Variants in CDK14 observed in about 807,000 individuals in gnomAD.
The protein encoded by CDK14 is cyclin dependent kinase 14.
A neutral mutation model predicts 60.7 loss-of-function variants in CDK14; 34 were observed. That is an observed-to-expected ratio of 0.56 (90% CI 0.43 to 0.75). The LOEUF is 0.75. CDK14 is among the 30% of genes least tolerant of loss of function. The pLI is 0.00. For missense variants in CDK14, 482 were observed against 564.1 expected (o/e 0.85, Z 1.47); for synonymous variants, 197 against 203.7 (o/e 0.97, Z 0.28).
At chr7:90,847,643 A>G (rs1790510675) in intron 5 of CDK14, among the ~76,000 whole-genome samples, 1 of 152,132 alleles carries the variant, frequency 6.6e-6, no homozygotes, top group Non-Finnish European at 1.5e-5. Flanking sequence ...GTAGTTAGAG[A>G]ACTATATTTT....
intron 13 of CDK14, among the ~76,000 whole-genome samples, chr7:91,116,530 T>C (rs1468666878): frequency 1.3e-5 from 2 of 152,190 alleles, no homozygotes; most frequent in East Asian, 3.8e-4. Flanking sequence ...GTTCTGTATA[T>C]CATCCTAGAA....
chr7:91,176,266 G>A lies in CDK14; in HGVS notation c.*29-30899G>A, dbSNP rs557193051. Among the ~76,000 whole-genome samples, 285 of 152,280 alleles carry A rather than the reference G, an allele frequency of 1.9e-3. 1 individual carries two copies. Among genetic ancestry groups the A allele is most frequent in the African/African-American group, 6.0e-3 (248 of 41,548 alleles). On this transcript the variant is annotated intron_variant, in intron 14 of 14. Coordinates refer to ENST00000380050, the MANE Select transcript of CDK14 (RefSeq NM_001287135.2). Reference sequence around the variant, plus strand: ...AAGATGTTCTTTGAACGCAACGAGAGCAAAGACACAACATACCAGAATCTC... The same window carrying A: ...AAGATGTTCTTTGAACGCAACGAGAACAAAGACACAACATACCAGAATCTC...
intron 5 of CDK14, among the ~76,000 whole-genome samples, chr7:90,833,174 A>G (rs1789970380): frequency 6.6e-6 from 1 of 152,224 alleles, no homozygotes; most frequent in South Asian, 2.1e-4. Flanking sequence ...TGTTCTATAA[A>G]GATGGGGATG....
intron 10 of CDK14, among the ~76,000 whole-genome samples, chr7:91,004,203 A>C (rs1795917906): frequency 6.6e-6 from 1 of 152,190 alleles, no homozygotes; most frequent in South Asian, 2.1e-4. Flanking sequence ...CCAGTAGAAA[A>C]CTGCGATGAA....
At chr7:90,625,587 A>G (rs1799860630) in intron 2 of CDK14, among the ~76,000 whole-genome samples, 1 of 152,190 alleles carries the variant, frequency 6.6e-6, no homozygotes, top group African/African-American at 2.4e-5. Flanking sequence ...ATATTTTTGC[A>G]CTATTAATCA....
intron 4 of CDK14, among the ~76,000 whole-genome samples, chr7:90,749,214 C>A (rs6962903): frequency 0.91 from 138,896 of 151,982 alleles, 63,570 homozygotes; most frequent in East Asian, 1. Context: ...ATCTCCAGGC[C>A]TTTGGAGCAC....
intron 2 of CDK14, chr7:90,710,581 G>T: frequency 1.0e-5 from 10 of 979,196 alleles, no homozygotes; most frequent in Non-Finnish European, 1.1e-5. Flanking sequence ...CTGGTATTTT[G>T]CATCATTACA....
chr7:90,938,684 C>T (rs900240434), intron 8 of CDK14, among the ~76,000 whole-genome samples: 4 of 152,016 alleles, frequency 2.6e-5, no homozygotes, highest in Non-Finnish European at 4.4e-5. Flanking sequence ...AATGGCTTAC[C>T]TTTTGACTTA....
intron 9 of CDK14, among the ~76,000 whole-genome samples, chr7:90,969,144 G>A (rs767349509): frequency 1.1e-4 from 17 of 152,122 alleles, no homozygotes; most frequent in East Asian, 1.9e-4. Context: ...AATCTGTACC[G>A]GAAAGGTTTT....
rs1802650624 is a variant in CDK14 at position 90,726,803 on chromosome 7, C to T, written c.360C>T (p.Ser120=). The change falls in exon 3 of 15, where the codon AGC becomes AGT. Residue 120 remains serine, a synonymous_variant. Coordinates refer to ENST00000380050, the MANE Select transcript of CDK14 (RefSeq NM_001287135.2). ...KESPKVRRHS[S]PSSPTSPKFG... ...CACCTAAAGTTAGGCGGCACTCCAG[C>T]CCCAGCTCGGTAAGTGCAGTCTTTT... 1.9e-6 allele frequency: 3 copies of T among 1,613,344 alleles called. No homozygotes were observed. The highest frequency in any genetic ancestry group is 3.3e-5 in the Admixed American group (2 of 59,942).
At chr7:90,770,083 G>T (rs1403223679) in intron 4 of CDK14, among the ~76,000 whole-genome samples, 6 of 152,238 alleles carry the variant, frequency 3.9e-5, no homozygotes, top group Admixed American at 2.6e-4. Flanking sequence ...GACCTTGCCA[G>T]TTGGCCTTAC....
At chr7:90,892,265 G>T (rs767037856) in intron 6 of CDK14, among the ~76,000 whole-genome samples, 2 of 152,110 alleles carry the variant, frequency 1.3e-5, no homozygotes, top group Non-Finnish European at 1.5e-5. Flanking sequence ...CTTTGATCTG[G>T]CCTCTCTGTC....
intron 8 of CDK14, among the ~76,000 whole-genome samples, chr7:90,918,735 C>T (rs1793157000): frequency 6.6e-6 from 1 of 152,158 alleles, no homozygotes; most frequent in Admixed American, 6.6e-5. Flanking sequence ...ATATGATTAT[C>T]TTTTTCCTCT....
At chr7:90,837,185 A>C (rs73399829) in intron 5 of CDK14, among the ~76,000 whole-genome samples, 3,229 of 152,254 alleles carry the variant, frequency 0.021, 104 homozygotes, top group African/African-American at 0.073. Context: ...TTGTGATCAC[A>C]TGCAAAGGTT....
At position 91,067,205 on chromosome 7, in the gene CDK14, G is replaced by A. The variant is rs920709665; in HGVS notation, c.1106-12227G>A. On this transcript the variant is annotated intron_variant, in intron 11 of 14. Transcript: ENST00000380050. ...CCTTTTTGTTTTCAAAACTTAACGT[G>A]GCTAATTATGTTTTTTCATCTAATG... is the stretch of plus-strand genomic sequence containing the variant. 1.4e-4 allele frequency among the ~76,000 whole-genome samples: 22 copies of A among 152,026 alleles called. No individual in the cohort carries two copies. The South Asian group carries it at 1.5e-3, about 10-fold the overall frequency.
chr7:90,709,638 A>AG, intron 2 of CDK14: 1 of 1,608,362 alleles, frequency 6.2e-7, no homozygotes, highest in African/African-American at 1.3e-5. Context: ...GGAAAAAAAA[A>AG]TTAGATTTTT....
chr7:91,176,200 T>C (rs1801747224), intron 14 of CDK14, among the ~76,000 whole-genome samples: 1 of 152,116 alleles, frequency 6.6e-6, no homozygotes, highest in African/African-American at 2.4e-5. Flanking sequence ...AACCTGCTCC[T>C]GAATGACTAC....
At chr7:91,003,401 G>A (rs1052748326) in intron 10 of CDK14, among the ~76,000 whole-genome samples, 4 of 152,122 alleles carry the variant, frequency 2.6e-5, no homozygotes, top group Admixed American at 2.0e-4. Context: ...TTAAATGGCA[G>A]CCATGGTGTG....
rs1802963450 is a variant in CDK14 at position 91,208,253 on chromosome 7, T to C, written c.*1117T>C. 2 of 152,758 alleles carry C rather than the reference T, an allele frequency of 1.3e-5. No homozygotes were observed. The highest frequency in any genetic ancestry group is 3.9e-4 in the East Asian group (2 of 5,174). 9.5% of individuals were successfully genotyped at this position (152,758 alleles called of 1,614,324 possible). Reference sequence around the variant, plus strand: ...GTTCAAATGCAGGTTTTAGAAACAATGCAGGAATCTTGCTTTAAAGATGAA... The same window carrying C: ...GTTCAAATGCAGGTTTTAGAAACAACGCAGGAATCTTGCTTTAAAGATGAA... On this transcript the variant is annotated 3_prime_UTR_variant, in exon 15 of 15. Transcript: ENST00000380050.
Sources: allele counts gnomAD v4.1 joint callset (sites outside exome capture counted in the v4.1 genomes callset), GRCh38; gene constraint gnomAD v4.1.1; transcripts MANE v1.5; gene names NCBI Gene and HGNC (gene_info 2026-07-23, HGNC 2026-07-21).